ENTREP2: variants seen among roughly 807,000 people sequenced by gnomAD.
ENTREP2 encodes endosomal transmembrane epsin interactor 2.
the ENTREP2 span, among the ~76,000 whole-genome samples, chr15:29,133,544 A>G: frequency 6.6e-6 from 1 of 152,146 alleles, no homozygotes. Context: ...TGCCAAGGCC[A>G]CCAGCAGCCC....
At chr15:29,124,646 A>G in the ENTREP2 span, 3 of 1,522,892 alleles carry the variant, frequency 2.0e-6, no homozygotes, top group African/African-American at 1.4e-5. Context: ...CCCACCTCCC[A>G]GCAGGCGCAG....
At chr15:29,392,571 T>C in the ENTREP2 span, among the ~76,000 whole-genome samples, 1 of 152,212 alleles carries the variant, frequency 6.6e-6, no homozygotes, top group Admixed American at 6.5e-5. Flanking sequence ...TCAGCTGTCC[T>C]CATTCTCTAA....
At chr15:29,662,486 C>T in the ENTREP2 span, among the ~76,000 whole-genome samples, 3 of 152,142 alleles carry the variant, frequency 2.0e-5, no homozygotes, top group Non-Finnish European at 2.9e-5. Flanking sequence ...TGACCATCCT[C>T]GCCCCTCCTT....
chr15:29,348,675 C>CGCGATTTG, the ENTREP2 span, among the ~76,000 whole-genome samples: 178 of 152,236 alleles, frequency 1.2e-3, no homozygotes, highest in African/African-American at 3.8e-3. Context: ...CAATGTGACC[C>CGCGATTTG]GCGATTTGGC....
chr15:29,398,314 G>A, the ENTREP2 span, among the ~76,000 whole-genome samples: 11 of 151,842 alleles, frequency 7.2e-5, no homozygotes, highest in African/African-American at 2.2e-4. Flanking sequence ...GGGGGTTCAC[G>A]TCAGGAATGA....
chr15:29,614,448 A>G, the ENTREP2 span, among the ~76,000 whole-genome samples: 1 of 152,056 alleles, frequency 6.6e-6, no homozygotes, highest in East Asian at 1.9e-4. Context: ...TTATCTGGGG[A>G]GAGGGAGGGT....
the ENTREP2 span, among the ~76,000 whole-genome samples, chr15:29,464,066 A>G: frequency 9.9e-5 from 15 of 152,146 alleles, no homozygotes; most frequent in Admixed American, 9.8e-4. Context: ...AAGGGAGATC[A>G]TGTTCAATGG....
chr15:29,480,285 G>A, the ENTREP2 span, among the ~76,000 whole-genome samples: 18 of 100,284 alleles, frequency 1.8e-4, no homozygotes, highest in African/African-American at 6.9e-4. Flanking sequence ...CTCATCCTAC[G>A]AAAATAACCA....
chr15:29,144,068 G>A, the ENTREP2 span, among the ~76,000 whole-genome samples: 5 of 152,164 alleles, frequency 3.3e-5, no homozygotes, highest in Non-Finnish European at 5.9e-5. Context: ...GGGAAGTGAC[G>A]CACTCCAAAG....
the ENTREP2 span, among the ~76,000 whole-genome samples, chr15:29,599,451 C>A: frequency 9.8e-5 from 15 of 152,286 alleles, no homozygotes; most frequent in Non-Finnish European, 1.2e-4. Context: ...TCATTTGATT[C>A]TCACAGTTGA....
the ENTREP2 span, among the ~76,000 whole-genome samples, chr15:29,361,809 T>C: frequency 6.6e-6 from 1 of 152,158 alleles, no homozygotes; most frequent in African/African-American, 2.4e-5. Flanking sequence ...CACTTACAGG[T>C]CCAATGGGGA....
the ENTREP2 span, chr15:29,570,424 G>A: frequency 1.0e-6 from 1 of 954,668 alleles, no homozygotes; most frequent in Non-Finnish European, 1.3e-6. Flanking sequence ...GCCCGCGGTG[G>A]CGTCCCGGCG....
At chr15:29,417,443 T>C in the ENTREP2 span, among the ~76,000 whole-genome samples, 5 of 151,964 alleles carry the variant, frequency 3.3e-5, no homozygotes, top group Admixed American at 3.3e-4. Flanking sequence ...AATTGAACAA[T>C]GAGAACACAT....
chr15:29,147,683 C>T, the ENTREP2 span, among the ~76,000 whole-genome samples: 1 of 152,178 alleles, frequency 6.6e-6, no homozygotes, highest in Non-Finnish European at 1.5e-5. Flanking sequence ...AAACTGGAAC[C>T]CTCATGGTCT....
chr15:29,290,953 A>T, the ENTREP2 span, among the ~76,000 whole-genome samples: 1 of 152,164 alleles, frequency 6.6e-6, no homozygotes, highest in South Asian at 2.1e-4. Flanking sequence ...CAGAACATCC[A>T]TGTGCCCCCC....
the ENTREP2 span, among the ~76,000 whole-genome samples, chr15:29,231,894 CTTT>C: frequency 7.4e-6 from 1 of 134,662 alleles, no homozygotes; most frequent in Non-Finnish European, 1.6e-5. Flanking sequence ...TCTTTTCTTT[CTTT>C]TTTTTTTTTT....
At chr15:29,601,920 T>G in the ENTREP2 span, among the ~76,000 whole-genome samples, 1 of 152,238 alleles carries the variant, frequency 6.6e-6, no homozygotes, top group Non-Finnish European at 1.5e-5. Context: ...AGGTCATGAT[T>G]GGTAACTGAC....
chr15:29,256,702 T>C, the ENTREP2 span, among the ~76,000 whole-genome samples: 5 of 152,208 alleles, frequency 3.3e-5, no homozygotes. Context: ...TGTTTAAGAA[T>C]TGTTTCTAAA....
At chr15:29,407,785 C>G in the ENTREP2 span, among the ~76,000 whole-genome samples, 6 of 152,156 alleles carry the variant, frequency 3.9e-5, no homozygotes, top group Admixed American at 2.6e-4. Context: ...CCTGCCGCAG[C>G]CTCCCGAGTA....
Sources: gnomAD v4.1 joint callset for allele counts (sites outside exome capture counted in the v4.1 genomes callset) on GRCh38, gnomAD v4.1.1 for gene constraint, MANE v1.5 for transcripts, NCBI Gene and HGNC (gene_info 2026-07-23, HGNC 2026-07-21) for gene names.